The following PDIA6 variants were observed in gnomAD, a reference collection of about 807,000 sequenced individuals.
PDIA6 encodes the protein protein disulfide isomerase family A member 6.
Under a neutral mutation model 58.4 loss-of-function variants are expected in PDIA6, and 29 were observed. That is an observed-to-expected ratio of 0.50 (90% CI 0.37 to 0.68). The LOEUF is 0.68. Ranked by LOEUF, PDIA6 falls within the 30% of genes least tolerant of loss-of-function variation. The pLI, the probability that PDIA6 is intolerant of heterozygous loss-of-function variation, is 0.00. For missense variants in PDIA6, 480 were observed against 551.0 expected, an observed-to-expected ratio of 0.87 and a Z score of 1.29; for synonymous variants, 192 against 202.6, an observed-to-expected ratio of 0.95 and a Z score of 0.44.
chr2:10,818,191 C>T (rs1013679753), intron 2 of PDIA6, among the ~76,000 whole-genome samples: 32 of 150,544 alleles, frequency 2.1e-4, no homozygotes, highest in Admixed American at 2.0e-3. Context: ...GAGACAGGGT[C>T]TCACTCTGTC....
intron 3 of PDIA6, among the ~76,000 whole-genome samples, chr2:10,797,467 C>A (rs1322745116): frequency 6.6e-6 from 1 of 152,098 alleles, no homozygotes; most frequent in Non-Finnish European, 1.5e-5. Context: ...CTGGGAAAAA[C>A]AATAAACAAA....
At chr2:10,802,772 GC>G (rs2148553554) in intron 1 of PDIA6, 132 bp from the exon 2 acceptor site, 1 of 545,866 alleles carries the variant, frequency 1.8e-6, no homozygotes, top group East Asian at 3.5e-5. Flanking sequence ...TGGCCCCTCT[GC>G]CCTTCCTGCT....
At chr2:10,820,717 CAGCGGCACCAGCTGGGG>C in intron 1 of PDIA6, 1 of 702,314 alleles carries the variant, frequency 1.4e-6, no homozygotes, top group Non-Finnish European at 2.6e-6. Context: ...CCTCCTGTAT[CAGCGGCACCAGCTGGGG>C]TGGCCCGAAG....
At chr2:10,821,956 A>AAT (rs1553341735) in intron 1 of PDIA6, among the ~76,000 whole-genome samples, 5 of 149,610 alleles carry the variant, frequency 3.3e-5, no homozygotes, top group African/African-American at 9.9e-5. Context: ...TAAAAAAAAA[A>AAT]TTTTTTTGAG....
At chr2:10,787,682 G>A (rs1435059679) in intron 10 of PDIA6, among the ~76,000 whole-genome samples, 1 of 152,176 alleles carries the variant, frequency 6.6e-6, no homozygotes, top group African/African-American at 2.4e-5. Context: ...GACTAATGGA[G>A]GAGGAGCAAG....
intron 1 of PDIA6, among the ~76,000 whole-genome samples, chr2:10,827,599 A>G (rs1012524122): frequency 2.6e-5 from 4 of 152,050 alleles, no homozygotes; most frequent in Non-Finnish European, 5.9e-5. Flanking sequence ...TGAGGTGAGC[A>G]GATCACTTGA....
At chr2:10,836,320 G>A (rs1667831654), upstream of PDIA6, among the ~76,000 whole-genome samples, 1 of 152,168 alleles carries the variant, frequency 6.6e-6, no homozygotes, top group African/African-American at 2.4e-5. Flanking sequence ...GAGCATCCTT[G>A]TCTAGGATGG....
chr2:10,807,802 T>C (rs1666825296), intron 1 of PDIA6, among the ~76,000 whole-genome samples: 1 of 152,252 alleles, frequency 6.6e-6, no homozygotes, highest in South Asian at 2.1e-4. Flanking sequence ...ACGTTCAATT[T>C]TTCAAATCAC....
intron 1 of PDIA6, among the ~76,000 whole-genome samples, chr2:10,808,592 G>A (rs1666862071): frequency 6.6e-6 from 1 of 152,190 alleles, no homozygotes; most frequent in Admixed American, 6.5e-5. Flanking sequence ...AAGAGGAGCG[G>A]GAACCCAGTC....
At chr2:10,808,149 G>A (rs1166427854) in intron 1 of PDIA6, among the ~76,000 whole-genome samples, 1 of 152,340 alleles carries the variant, frequency 6.6e-6, no homozygotes, top group Non-Finnish European at 1.5e-5. Flanking sequence ...TCATTCAGAG[G>A]AAAGAATAGA....
At chr2:10,803,089 A>G (rs767893151) in intron 1 of PDIA6, among the ~76,000 whole-genome samples, 7 of 152,200 alleles carry the variant, frequency 4.6e-5, no homozygotes, top group Non-Finnish European at 7.3e-5. Context: ...TTATTCAAAT[A>G]TATTTTTGAA....
chr2:10,790,141 G>A (rs1734418), intron 7 of PDIA6, among the ~76,000 whole-genome samples: 73,162 of 151,390 alleles, frequency 0.48, 19,270 homozygotes, highest in South Asian at 0.58. Context: ...ACCACACCCG[G>A]CTAATATTTG....
At chr2:10,802,369 C>A in intron 2 of PDIA6, 130 bp downstream of exon 2, 1 of 508,570 alleles carries the variant, frequency 2.0e-6, no homozygotes. Flanking sequence ...TCCCATTTCC[C>A]TCTTCTCTAC....
At position 10,825,709 on chromosome 2, in the gene PDIA6, A is replaced by G. The variant is rs182915437; in HGVS notation, c.-47-6355T>C. ...TCCAAGGAAGACATAGAAACGGCCA[A>G]TAAAGCACATGAAAAGATGCTCAGC... On this transcript the variant is annotated intron_variant, in intron 1 of 13. Transcript: ENST00000381611. Among the ~76,000 whole-genome samples the G allele has an allele frequency of 2.4e-3, 369 of 152,366 alleles. 3 individuals are homozygous for G. Among genetic ancestry groups the G allele is most frequent in the African/African-American group, 7.7e-3 (322 of 41,576 alleles).
intron 1 of PDIA6, among the ~76,000 whole-genome samples, chr2:10,804,717 TG>T (rs1285677272): frequency 7.7e-6 from 1 of 130,072 alleles, no homozygotes; most frequent in Non-Finnish European, 1.7e-5. Context: ...AGAAAGTCAT[TG>T]GTAGCTTTAT....
In PDIA6 at chr2:10,822,161, A is replaced by G. The variant is rs1381744374; in HGVS notation, c.-47-2807T>C. ...ACCATGTTGTCCAGGCTTGTCTTGA[A>G]CTCTTGGGCTCAAGTGATCAGCCTA... On this transcript the variant is annotated intron_variant, in intron 1 of 13. Coordinates refer to the PDIA6 transcript ENST00000381611. Among the ~76,000 whole-genome samples, 4 of 149,172 alleles carry G rather than the reference A, an allele frequency of 2.7e-5. No individual in the cohort carries two copies. In the East Asian group the frequency reaches 7.9e-4, roughly 30 times the overall value.
At chr2:10,807,183 T>C (rs1666800936) in intron 1 of PDIA6, among the ~76,000 whole-genome samples, 1 of 152,226 alleles carries the variant, frequency 6.6e-6, no homozygotes, top group Non-Finnish European at 1.5e-5. Flanking sequence ...ATTTGCATCA[T>C]GCTGGCTTTT....
chr2:10,825,395 T>C (rs961102710), intron 1 of PDIA6, among the ~76,000 whole-genome samples: 8 of 152,204 alleles, frequency 5.3e-5, no homozygotes, highest in East Asian at 1.9e-4. Context: ...CAGACTCTTA[T>C]GGATTCTTGA....
chr2:10,836,896 C>T (rs1667842775), upstream of PDIA6, among the ~76,000 whole-genome samples: 1 of 152,140 alleles, frequency 6.6e-6, no homozygotes, highest in African/African-American at 2.4e-5. Context: ...ACGTGGGGTC[C>T]CATGCCTCAA....
Sources: allele counts gnomAD v4.1 joint callset (sites outside exome capture counted in the v4.1 genomes callset), GRCh38; gene constraint gnomAD v4.1.1; transcripts MANE v1.5; gene names NCBI Gene and HGNC (gene_info 2026-07-23, HGNC 2026-07-21).